The following NRXN3 variants were observed in gnomAD, a reference collection of about 807,000 sequenced individuals.
NRXN3 encodes neurexin 3, also known as neurexin III.
NRXN3 carries 32 observed loss-of-function variants against 137.6 expected under a neutral mutation model. That is an observed-to-expected ratio of 0.23 (90% confidence interval 0.18 to 0.31). The LOEUF (loss-of-function observed/expected upper bound fraction) is 0.31. NRXN3 is among the 10% of genes least tolerant of loss of function. The pLI is 1.00. For synonymous variants in NRXN3, 798 were observed against 784.5 expected (o/e 1.02, Z -0.29); for missense variants, 1,574 against 2,062.5 (o/e 0.76, Z 4.59).
At chr14:79,679,768 T>G (rs1290264087) in intron 17 of NRXN3, among the ~76,000 whole-genome samples, 6 of 152,194 alleles carry the variant, frequency 3.9e-5, no homozygotes, top group Non-Finnish European at 5.9e-5. Flanking sequence ...TATTTAACAT[T>G]TGTGGATAAT....
intron 16 of NRXN3, chr14:79,633,201 T>A (rs1168980765): frequency 6.6e-6 from 1 of 152,172 alleles, no homozygotes; most frequent in Non-Finnish European, 1.5e-5. Context: ...AGAACTAGCT[T>A]GATAAGGATG....
rs1031480001 is a variant in NRXN3, at chr14:78,215,706, G to T, written c.-703-26685G>T. ...CCCTTGTCCACAGCTGTTTCCTGCC[G>T]CTGCTTTGTTGGTGCTGGGAAGTTT... On this transcript the variant is annotated intron_variant, in intron 1 of 20. Coordinates refer to ENST00000335750, the MANE Select transcript of NRXN3 (RefSeq NM_001330195.2). 1.4e-4 allele frequency among the ~76,000 whole-genome samples: 20 copies of T among 141,198 alleles called. No individual in the cohort carries two copies. The East Asian group carries it at 4.0e-3, about 28-fold the overall frequency. The allele number at this position is 141,198 out of a possible 152,430, so 92.6% of individuals were successfully genotyped here. A position where few individuals can be genotyped will look rare whatever the true frequency, so the allele number is the denominator to read the frequency against.
intron 16 of NRXN3, among the ~76,000 whole-genome samples, chr14:79,657,355 C>T (rs894163683): frequency 1.8e-4 from 27 of 152,216 alleles, no homozygotes; most frequent in Admixed American, 6.5e-5. Context: ...GCCACAGCCA[C>T]ACTTCAGCTT....
At chr14:78,615,416 C>A (rs532480737) in intron 4 of NRXN3, among the ~76,000 whole-genome samples, 2 of 144,464 alleles carry the variant, frequency 1.4e-5, no homozygotes, top group Admixed American at 7.0e-5. Context: ...CTAGCTAACA[C>A]GGTGAAACCC....
chr14:79,751,167 G>C (rs1226566644), intron 19 of NRXN3, among the ~76,000 whole-genome samples: 1 of 152,062 alleles, frequency 6.6e-6, no homozygotes, highest in African/African-American at 2.4e-5. Context: ...TGGGCAGTGT[G>C]GCCATTTTCA....
intron 10 of NRXN3, among the ~76,000 whole-genome samples, chr14:78,923,766 G>A (rs1005136391): frequency 1.3e-5 from 2 of 152,168 alleles, no homozygotes; most frequent in African/African-American, 4.8e-5. Context: ...GCTTTGTATT[G>A]CTTAATGTTC....
At chr14:78,925,192 TG>T (rs1199745943) in intron 10 of NRXN3, among the ~76,000 whole-genome samples, 1 of 152,182 alleles carries the variant, frequency 6.6e-6, no homozygotes, top group African/African-American at 2.4e-5. Context: ...CTATAAGCTG[TG>T]AAAGTCTGTC....
intron 15 of NRXN3, among the ~76,000 whole-genome samples, chr14:79,259,839 G>T (rs1390691638): frequency 6.6e-6 from 1 of 151,670 alleles, no homozygotes; most frequent in African/African-American, 2.4e-5. Flanking sequence ...CATCTACATG[G>T]AGCACTGAAC....
chr14:79,404,125 G>C (rs1021148736), intron 15 of NRXN3, among the ~76,000 whole-genome samples: 5 of 152,122 alleles, frequency 3.3e-5, no homozygotes, highest in African/African-American at 1.2e-4. Context: ...AAACTAAAGA[G>C]CTTTTGCACA....
At chr14:78,524,072 A>G (rs1234088427) in intron 4 of NRXN3, among the ~76,000 whole-genome samples, 1 of 152,206 alleles carries the variant, frequency 6.6e-6, no homozygotes, top group Admixed American at 6.5e-5. Context: ...TTATTATCAC[A>G]AAGTATGCTA....
intron 4 of NRXN3, among the ~76,000 whole-genome samples, chr14:78,495,122 G>T (rs532941198): frequency 1.3e-5 from 1 of 75,152 alleles, no homozygotes; most frequent in Non-Finnish European, 2.7e-5. Context: ...GTATATGTGG[G>T]GTGTGTGTGT....
chr14:78,340,836 G>C (rs2082068515), intron 4 of NRXN3, among the ~76,000 whole-genome samples: 1 of 152,130 alleles, frequency 6.6e-6, no homozygotes, highest in African/African-American at 2.4e-5. Flanking sequence ...TTGATTTGAT[G>C]GGTGGTGTGA....
At chr14:78,621,003 A>G (rs1375324122) in intron 4 of NRXN3, among the ~76,000 whole-genome samples, 6 of 152,220 alleles carry the variant, frequency 3.9e-5, no homozygotes, top group Non-Finnish European at 8.8e-5. Flanking sequence ...CAGAAGGATC[A>G]ACCAATATTT....
rs138324056 is a variant in NRXN3, at chr14:78,493,289, A to G, written c.758-151831A>G. On this transcript the variant is annotated intron_variant, in intron 4 of 20. Coordinates refer to ENST00000335750, the MANE Select transcript of NRXN3 (RefSeq NM_001330195.2). The stretch of plus-strand genomic sequence containing the variant: ...GTAATCCCAGCACTTTGGGAGGATC[A>G]GGTGGGTGGATCACCTGAAATCAGG... Among the ~76,000 whole-genome samples, 566 of 151,960 alleles carry G rather than the reference A, an allele frequency of 3.7e-3. 3 individuals are homozygous for G. Among genetic ancestry groups the G allele is most frequent in the African/African-American group, 0.012 (508 of 41,432 alleles).
chr14:79,682,656 G>C (rs1330999021), intron 17 of NRXN3, among the ~76,000 whole-genome samples: 1 of 152,080 alleles, frequency 6.6e-6, no homozygotes, highest in Non-Finnish European at 1.5e-5. Context: ...GTTGCTAGGA[G>C]TTCTTTTTCT....
At chr14:78,704,244 G>A (rs914689955) in intron 6 of NRXN3, among the ~76,000 whole-genome samples, 2 of 152,150 alleles carry the variant, frequency 1.3e-5, no homozygotes, top group African/African-American at 4.8e-5. Context: ...AAGTGGGTTG[G>A]GCAAGAGGGC....
chr14:78,418,412 A>G (rs917666964), intron 4 of NRXN3, among the ~76,000 whole-genome samples: 6 of 152,148 alleles, frequency 3.9e-5, no homozygotes, highest in Non-Finnish European at 8.8e-5. Context: ...CTTGGAGTAA[A>G]TTCCAGAGGT....
chr14:79,150,037 G>GT lies in NRXN3; in HGVS notation c.3262+161905dup, dbSNP rs201174811. On this transcript the variant is annotated intron_variant, in intron 15 of 20. Coordinates refer to ENST00000335750, the MANE Select transcript of NRXN3 (RefSeq NM_001330195.2). Reference sequence around the variant, plus strand: ...AAAATGACACATTACTTTCCCCACTGTTTTTTTTTAAGCAAAAGTGTTCTC... The same window carrying GT: ...AAAATGACACATTACTTTCCCCACTGTTTTTTTTTTAAGCAAAAGTGTTCTC... Among the ~76,000 whole-genome samples the GT allele has an allele frequency of 2.0e-3, 308 of 151,272 alleles. 1 individual carries two copies. The highest frequency in any genetic ancestry group is 6.8e-3 in the Middle Eastern group (2 of 294).
intron 4 of NRXN3, among the ~76,000 whole-genome samples, chr14:78,364,695 A>T (rs953590600): frequency 1.3e-5 from 2 of 152,142 alleles, no homozygotes; most frequent in African/African-American, 4.8e-5. Flanking sequence ...GCCTAGGTAA[A>T]TGGATTTATG....
Sources: gnomAD v4.1 joint callset for allele counts (sites outside exome capture counted in the v4.1 genomes callset) on GRCh38, gnomAD v4.1.1 for gene constraint, MANE v1.5 for transcripts, NCBI Gene and HGNC (gene_info 2026-07-23, HGNC 2026-07-21) for gene names.